NKAIN2: variants seen among roughly 807,000 people sequenced by gnomAD.
The protein encoded by NKAIN2 is sodium/potassium-transporting ATPase subunit beta-1-interacting protein 2.
A neutral mutation model predicts 32.6 loss-of-function variants in NKAIN2; 14 were observed. That is an observed-to-expected ratio of 0.43 (90% confidence interval 0.28 to 0.67). NKAIN2 has a LOEUF of 0.67. NKAIN2 is among the 30% of genes least tolerant of loss of function. NKAIN2 has a pLI of 0.17. For missense variants in NKAIN2, 198 were observed against 258.3 expected (o/e 0.77, Z 1.60); for synonymous variants, 80 against 87.2 (o/e 0.92, Z 0.46).
chr6:124,815,425 A>G (rs1262102276), intron 5 of NKAIN2, among the ~76,000 whole-genome samples: 1 of 151,660 alleles, frequency 6.6e-6, no homozygotes, highest in Non-Finnish European at 1.5e-5. Context: ...ACGCACCACC[A>G]TGCCCAGTTA....
chr6:124,581,465 A>G lies in NKAIN2; in HGVS notation c.274-76721A>G, dbSNP rs900317121. Among the ~76,000 whole-genome samples the G allele has an allele frequency of 1.7e-4, 26 of 148,958 alleles. 1 individual carries two copies. The highest frequency in any genetic ancestry group is 4.2e-4 in the South Asian group (2 of 4,774). On this transcript the variant is annotated intron_variant, in intron 3 of 6. Coordinates refer to ENST00000368417, the MANE Select transcript of NKAIN2 (RefSeq NM_001040214.3). ...CGTCTCAAAAAAAAAAAAAAAAAAA[A>G]AAAAAGAAACATTGGACTTAATCTG...
chr6:123,831,900 C>T (rs9482471), intron 1 of NKAIN2, among the ~76,000 whole-genome samples: 217 of 152,192 alleles, frequency 1.4e-3, no homozygotes, highest in African/African-American at 4.7e-3. Flanking sequence ...GTGATCCGCC[C>T]GCCTCGGCCT....
At chr6:124,323,579 C>A (rs1052399283) in intron 2 of NKAIN2, among the ~76,000 whole-genome samples, 1 of 151,992 alleles carries the variant, frequency 6.6e-6, no homozygotes, top group Non-Finnish European at 1.5e-5. Flanking sequence ...CACTTTTGTA[C>A]CTTTCTCAAA....
chr6:124,314,014 A>G (rs1006125297), intron 2 of NKAIN2, among the ~76,000 whole-genome samples: 1 of 152,138 alleles, frequency 6.6e-6, no homozygotes, highest in Non-Finnish European at 1.5e-5. Flanking sequence ...AAAAGGGCAC[A>G]AACTAGGTTA....
At chr6:124,633,074 T>C (rs1783631299) in intron 3 of NKAIN2, among the ~76,000 whole-genome samples, 1 of 152,160 alleles carries the variant, frequency 6.6e-6, no homozygotes, top group Non-Finnish European at 1.5e-5. Context: ...TGCTTCTTCC[T>C]AAAAGAAATT....
At chr6:124,625,741 T>C (rs1015788479) in intron 3 of NKAIN2, among the ~76,000 whole-genome samples, 4 of 151,960 alleles carry the variant, frequency 2.6e-5, no homozygotes, top group African/African-American at 9.6e-5. Flanking sequence ...TTTTGGTCTT[T>C]TACAGAAAAT....
At chr6:123,957,407 A>G (rs1777644507) in intron 1 of NKAIN2, among the ~76,000 whole-genome samples, 1 of 152,188 alleles carries the variant, frequency 6.6e-6, no homozygotes, top group East Asian at 1.9e-4. Context: ...AGCACTAGTT[A>G]CATTATAGGA....
chr6:124,292,702 T>C (rs746437663), intron 2 of NKAIN2, among the ~76,000 whole-genome samples: 3 of 152,172 alleles, frequency 2.0e-5, no homozygotes, highest in Non-Finnish European at 2.9e-5. Context: ...AGAAAAATGA[T>C]ATTTATGGAG....
chr6:124,437,871 G>GTTT (rs751652394), intron 3 of NKAIN2: 13 of 345,722 alleles, frequency 3.8e-5, no homozygotes, highest in African/African-American at 2.9e-4. Context: ...CTGATCTATT[G>GTTT]ATTTTTTTTT....
Position 124,812,839 on chromosome 6 carries a change from C to A in NKAIN2, c.536-5548C>A, listed in dbSNP as rs867894654. On this transcript the variant is annotated intron_variant, in intron 5 of 6. Coordinates refer to ENST00000368417, the MANE Select transcript of NKAIN2 (RefSeq NM_001040214.3). ...CCTTTCCCCCATGTTCAAAAACTTG[C>A]CATGAACTATGTTTTCTACCTCTTT... Among the ~76,000 whole-genome samples the A allele has an allele frequency of 9.9e-5, 15 of 152,090 alleles. No homozygotes were observed. The South Asian group carries it at 2.7e-3, about 27-fold the overall frequency.
chr6:124,229,555 G>A (rs1163547145), intron 1 of NKAIN2, among the ~76,000 whole-genome samples: 2 of 152,052 alleles, frequency 1.3e-5, no homozygotes, highest in East Asian at 1.9e-4. Flanking sequence ...CAGACAGACA[G>A]ACAGACAGGG....
At chr6:124,208,906 A>G (rs1001405580) in intron 1 of NKAIN2, among the ~76,000 whole-genome samples, 2 of 151,716 alleles carry the variant, frequency 1.3e-5, no homozygotes, top group Non-Finnish European at 2.9e-5. Context: ...ATGTGCAATG[A>G]TCAAATCAAA....
chr6:124,148,061 T>C (rs1203926284), intron 1 of NKAIN2, among the ~76,000 whole-genome samples: 1 of 152,154 alleles, frequency 6.6e-6, no homozygotes, highest in Non-Finnish European at 1.5e-5. Context: ...CTTTAATTCC[T>C]TTCTGCAAAT....
At chr6:123,819,899 A>G (rs1168322279) in intron 1 of NKAIN2, among the ~76,000 whole-genome samples, 4 of 152,192 alleles carry the variant, frequency 2.6e-5, no homozygotes, top group Non-Finnish European at 5.9e-5. Flanking sequence ...TTCAGCTCCA[A>G]TAGTACTTTC....
intron 3 of NKAIN2, among the ~76,000 whole-genome samples, chr6:124,420,885 C>T (rs1274949737): frequency 2.6e-5 from 4 of 151,606 alleles, no homozygotes; most frequent in African/African-American, 2.4e-5. Flanking sequence ...CTCACTAGGA[C>T]GAGTAGCATT....
intron 3 of NKAIN2, among the ~76,000 whole-genome samples, chr6:124,533,471 C>A (rs76606491): frequency 1.9e-3 from 114 of 58,958 alleles, no homozygotes; most frequent in African/African-American, 3.4e-3. Context: ...GACTCTGTCT[C>A]AAAAAAAAAA....
At chr6:124,207,186 G>A (rs1047367104) in intron 1 of NKAIN2, among the ~76,000 whole-genome samples, 5 of 151,570 alleles carry the variant, frequency 3.3e-5, no homozygotes, top group Admixed American at 1.3e-4. Flanking sequence ...CAGCTACTTG[G>A]GGGGCTGAGG....
chr6:123,958,129 G>T (rs1381070426), intron 1 of NKAIN2, among the ~76,000 whole-genome samples: 1 of 152,120 alleles, frequency 6.6e-6, no homozygotes, highest in African/African-American at 2.4e-5. Flanking sequence ...CAGTTTTAGG[G>T]TCTCTGCCCT....
intron 1 of NKAIN2, among the ~76,000 whole-genome samples, chr6:124,138,925 G>A (rs1786983055): frequency 6.6e-6 from 1 of 150,952 alleles, no homozygotes; most frequent in South Asian, 2.1e-4. Context: ...GACTTGGGGG[G>A]AATGGTGAAG....
Sources: allele counts gnomAD v4.1 joint callset (sites outside exome capture counted in the v4.1 genomes callset), GRCh38; gene constraint gnomAD v4.1.1; transcripts MANE v1.5; gene names NCBI Gene and HGNC (gene_info 2026-07-23, HGNC 2026-07-21).